Variants in PTPN12 observed in about 807,000 individuals in gnomAD.
PTPN12 encodes the protein tyrosine-protein phosphatase non-receptor type 12.
PTPN12 carries 29 observed loss-of-function variants against 97.6 expected under a neutral mutation model. That is an observed-to-expected ratio of 0.30 (90% confidence interval 0.22 to 0.41). PTPN12 has a LOEUF of 0.41. PTPN12 is among the 10% of genes least tolerant of loss of function. The pLI, the probability that PTPN12 is intolerant of heterozygous loss-of-function variation, is 1.00. For missense variants in PTPN12, 819 were observed against 926.0 expected (o/e 0.88, Z 1.50); for synonymous variants, 327 against 300.4 (o/e 1.09, Z -0.91).
intron 1 of PTPN12, among the ~76,000 whole-genome samples, chr7:77,558,394 T>C (rs532060702): frequency 2.5e-4 from 38 of 152,292 alleles, no homozygotes; most frequent in Admixed American, 3.9e-4. Flanking sequence ...ATGTCAACTT[T>C]AGGGATCTTT....
At chr7:77,626,530 A>G (rs528825603) in intron 12 of PTPN12, among the ~76,000 whole-genome samples, 175 bp from the exon 13 acceptor site, 1 of 152,330 alleles carries the variant, frequency 6.6e-6, no homozygotes, top group South Asian at 2.1e-4. Flanking sequence ...GACTTTTTAA[A>G]CAGTATATGT....
chr7:77,565,349 A>G (rs1808215746), intron 1 of PTPN12, among the ~76,000 whole-genome samples: 1 of 152,248 alleles, frequency 6.6e-6, no homozygotes, highest in Admixed American at 6.5e-5. Context: ...TATGAAGACA[A>G]TTAGCTATAT....
At chr7:77,569,703 C>T (rs1808396293) in intron 1 of PTPN12, among the ~76,000 whole-genome samples, 1 of 152,004 alleles carries the variant, frequency 6.6e-6, no homozygotes, top group Non-Finnish European at 1.5e-5. Context: ...CCTGGGAAGC[C>T]GAGGTTGCAG....
intron 12 of PTPN12, among the ~76,000 whole-genome samples, chr7:77,621,150 GACAC>G (rs1002742994): frequency 1.3e-5 from 2 of 150,904 alleles, no homozygotes; most frequent in African/African-American, 2.4e-5. Flanking sequence ...TTAAAAATAA[GACAC>G]ACACACACAG....
intron 13 of PTPN12, 85 bp downstream of exon 13, chr7:77,627,760 G>A: frequency 7.6e-7 from 1 of 1,321,312 alleles, no homozygotes; most frequent in Non-Finnish European, 1.0e-6. Context: ...GATTTATTAT[G>A]TTTTATTCCA....
intron 2 of PTPN12, among the ~76,000 whole-genome samples, chr7:77,580,116 T>C (rs1013165570): frequency 1.3e-5 from 2 of 152,150 alleles, no homozygotes; most frequent in East Asian, 3.8e-4. Flanking sequence ...AGTAGCTAAA[T>C]AAAGAATGAA....
Position 77,627,485 on chromosome 7 carries a change from C to T in PTPN12, c.1806C>T (p.His602=). The T allele has an allele frequency of 6.2e-7, 1 of 1,613,474 alleles. No individual in the cohort carries two copies. The highest frequency in any genetic ancestry group is 8.5e-7 in the Non-Finnish European group (1 of 1,179,466). ...RTPLSFTNPL[H]SDDSDSDERN... ...CCCTCAGTTTTACTAATCCACTTCA[C>T]TCTGATGACTCAGACTCAGATGAAA... The change falls in exon 13 of 18, where the codon CAC becomes CAT. Residue 602 remains histidine, a synonymous_variant. Transcript: ENST00000248594.
At chr7:77,616,284 A>G (rs1788748353) in intron 11 of PTPN12, among the ~76,000 whole-genome samples, 1 of 151,986 alleles carries the variant, frequency 6.6e-6, no homozygotes, top group Non-Finnish European at 1.5e-5. Flanking sequence ...ATTCTCAACT[A>G]TAGCTTTTTT....
intron 2 of PTPN12, among the ~76,000 whole-genome samples, chr7:77,576,207 C>T (rs1787337941): frequency 6.6e-6 from 1 of 152,106 alleles, no homozygotes; most frequent in South Asian, 2.1e-4. Context: ...ATCGATAGTT[C>T]ATTCCTTTTT....
At chr7:77,633,810 C>A (rs1789488447) in intron 14 of PTPN12, among the ~76,000 whole-genome samples, 1 of 151,930 alleles carries the variant, frequency 6.6e-6, no homozygotes, top group South Asian at 2.1e-4. Flanking sequence ...ATTGCTTGAG[C>A]CTAAGAGTTT....
intron 2 of PTPN12, among the ~76,000 whole-genome samples, chr7:77,580,235 A>C (rs1419604817): frequency 1.3e-5 from 2 of 152,254 alleles, no homozygotes; most frequent in African/African-American, 4.8e-5. Flanking sequence ...AGCCTGAGCC[A>C]GGAAGATCTG....
In PTPN12 at chr7:77,541,082, TTTGTTTTG is replaced by T. The variant is rs1806950838; in HGVS notation, c.99+3448_99+3455del. On this transcript the variant is annotated intron_variant, in intron 1 of 17. Coordinates refer to ENST00000248594, the MANE Select transcript of PTPN12 (RefSeq NM_002835.4). ...CTCTGTTAATATTTTTTGGTTTTGT[TTTGTTTTG>T]TTGTTTTGTTCTGTTTTTGAGACAG... Among the ~76,000 whole-genome samples, 26 of 152,232 alleles carry T rather than the reference TTTGTTTTG, an allele frequency of 1.7e-4. No individual in the cohort carries two copies. The South Asian group carries it at 5.4e-3, about 32-fold the overall frequency.
At chr7:77,621,908 C>T (rs552158909) in intron 12 of PTPN12, among the ~76,000 whole-genome samples, 4 of 152,284 alleles carry the variant, frequency 2.6e-5, no homozygotes, top group African/African-American at 9.6e-5. Context: ...TTGACTGAAA[C>T]GTCACATGAC....
intron 5 of PTPN12, among the ~76,000 whole-genome samples, chr7:77,588,050 A>G (rs891932651): frequency 4.6e-5 from 7 of 152,180 alleles, no homozygotes; most frequent in Non-Finnish European, 8.8e-5. Flanking sequence ...AACTTTCTCC[A>G]TGTAAGCAAT....
At chr7:77,551,537 A>T (rs1381301316) in intron 1 of PTPN12, among the ~76,000 whole-genome samples, 1 of 152,236 alleles carries the variant, frequency 6.6e-6, no homozygotes, top group Non-Finnish European at 1.5e-5. Flanking sequence ...CAGTTAGGGC[A>T]AGTGACAAGA....
At chr7:77,634,207 A>T (rs1012709372) in intron 14 of PTPN12, among the ~76,000 whole-genome samples, 1 of 151,980 alleles carries the variant, frequency 6.6e-6, no homozygotes, top group Non-Finnish European at 1.5e-5. Flanking sequence ...TGGAAGAAAA[A>T]AAAAAGACCA....
At chr7:77,545,271 T>A (rs1328884338) in intron 1 of PTPN12, among the ~76,000 whole-genome samples, 1 of 152,222 alleles carries the variant, frequency 6.6e-6, no homozygotes, top group African/African-American at 2.4e-5. Context: ...CTCTAGTTTC[T>A]TTCCTCATCC....
chr7:77,551,570 A>G (rs914662140), intron 1 of PTPN12, among the ~76,000 whole-genome samples: 5 of 152,216 alleles, frequency 3.3e-5, no homozygotes, highest in Non-Finnish European at 5.9e-5. Context: ...TCAAAAATCA[A>G]TGTGGATGGT....
At chr7:77,568,989 T>C (rs1303708329) in intron 1 of PTPN12, among the ~76,000 whole-genome samples, 2 of 152,240 alleles carry the variant, frequency 1.3e-5, no homozygotes, top group African/African-American at 4.8e-5. Context: ...TCTTTGTTAA[T>C]ATGGAGTAAC....
Sources: allele counts gnomAD v4.1 joint callset (sites outside exome capture counted in the v4.1 genomes callset), GRCh38; gene constraint gnomAD v4.1.1; transcripts MANE v1.5; gene names NCBI Gene and HGNC (gene_info 2026-07-23, HGNC 2026-07-21).